The following GALNT17 variants were observed in gnomAD, a reference collection of about 807,000 sequenced individuals.
GALNT17 encodes the protein UDP-GalNAc:polypeptide N-acetylgalactosaminyltransferase-like 3.
In GALNT17, 29 loss-of-function variants were observed where a neutral mutation model predicts 63.7. The observed-to-expected ratio is 0.46, with a 90% CI of 0.34 to 0.62. The LOEUF (loss-of-function observed/expected upper bound fraction) is 0.62, where lower values mean the gene tolerates loss of function less well. Among genes scored for constraint, GALNT17 ranks in the 20% least tolerant of loss-of-function variants. The pLI is 0.01. For synonymous variants in GALNT17, 305 were observed against 318.3 expected (o/e 0.96, Z 0.45); for missense variants, 603 against 799.6 (o/e 0.75, Z 2.97).
rs183169719 is a variant in GALNT17, at chr7:71,271,624, A to G, written c.239-63926A>G. ...GATAACATTCACCCTTTTTGGGTGT[A>G]CAGTTTGATGAGTGTTGGCAATGGA... On this transcript the variant is annotated intron_variant, in intron 1 of 10. Coordinates refer to ENST00000333538, the MANE Select transcript of GALNT17 (RefSeq NM_022479.3). 8.5e-4 allele frequency among the ~76,000 whole-genome samples: 129 copies of G among 152,350 alleles called. 1 individual carries two copies. The highest frequency in any genetic ancestry group is 1.2e-3 in the South Asian group (6 of 4,828).
intron 6 of GALNT17, among the ~76,000 whole-genome samples, chr7:71,636,868 G>T (rs1790534881): frequency 6.6e-6 from 1 of 152,220 alleles, no homozygotes; most frequent in South Asian, 2.1e-4. Flanking sequence ...CAGTAAGAGG[G>T]TGTGGAAGTG....
chr7:71,337,727 GC>G (rs1379771511), intron 2 of GALNT17, among the ~76,000 whole-genome samples: 2 of 151,946 alleles, frequency 1.3e-5, no homozygotes, highest in African/African-American at 4.8e-5. Flanking sequence ...AATTGGCTGG[GC>G]GCGGTGGCAG....
intron 9 of GALNT17, among the ~76,000 whole-genome samples, chr7:71,690,213 C>CTATTTTTAGTAGAG (rs1436199408): frequency 4.6e-5 from 7 of 151,858 alleles, no homozygotes; most frequent in African/African-American, 1.7e-4. Flanking sequence ...TTAGTAGAGA[C>CTATTTTTAGTAGAG]AGGGTTTCCA....
intron 1 of GALNT17, among the ~76,000 whole-genome samples, chr7:71,324,945 G>C (rs928120511): frequency 2.6e-5 from 4 of 151,946 alleles, no homozygotes; most frequent in African/African-American, 4.8e-5. Flanking sequence ...TTTTCTTTTG[G>C]CAATATTTCC....
Position 71,467,774 on chromosome 7 carries a change from CA to C in GALNT17, c.962+46672del, listed in dbSNP as rs199532475. Among the ~76,000 whole-genome samples the C allele has an allele frequency of 9.7e-3, 1,476 of 151,430 alleles. 13 individuals are homozygous for C. The highest frequency in any genetic ancestry group is 0.017 in the Non-Finnish European group (1,126 of 67,852). ...GGGAACATGGAAAGGCAAAAAAAAA[CA>C]AACAAAAAAACCCTCAAAATCTGCA... On this transcript the variant is annotated intron_variant, in intron 5 of 10. Coordinates refer to ENST00000333538, the MANE Select transcript of GALNT17 (RefSeq NM_022479.3).
intron 5 of GALNT17, among the ~76,000 whole-genome samples, chr7:71,546,755 G>A (rs1788991866): frequency 6.6e-6 from 1 of 152,124 alleles, no homozygotes; most frequent in Admixed American, 6.6e-5. Flanking sequence ...TGCGGTAAAG[G>A]GAATGGTCCA....
intron 6 of GALNT17, among the ~76,000 whole-genome samples, chr7:71,597,231 G>A (rs1447872385): frequency 2.6e-5 from 4 of 152,088 alleles, no homozygotes; most frequent in Non-Finnish European, 4.4e-5. Flanking sequence ...GGTAGAAACA[G>A]GGTTTCACCA....
chr7:71,321,587 C>T (rs1395625927), intron 1 of GALNT17, among the ~76,000 whole-genome samples: 1 of 152,180 alleles, frequency 6.6e-6, no homozygotes, highest in Admixed American at 6.5e-5. Context: ...TGTCTTCGTG[C>T]TTCAATTTTC....
chr7:71,705,109 T>C (rs1453482146), intron 9 of GALNT17, among the ~76,000 whole-genome samples: 1 of 152,178 alleles, frequency 6.6e-6, no homozygotes, highest in Non-Finnish European at 1.5e-5. Context: ...TTGTACATCA[T>C]ATGTCAGAAA....
At chr7:71,662,764 T>C (rs1256424941) in intron 6 of GALNT17, among the ~76,000 whole-genome samples, 1 of 152,252 alleles carries the variant, frequency 6.6e-6, no homozygotes, top group African/African-American at 2.4e-5. Context: ...ATTTATGCAT[T>C]AATCAATTGT....
chr7:71,296,731 CA>C (rs1009525393), intron 1 of GALNT17, among the ~76,000 whole-genome samples: 2 of 150,038 alleles, frequency 1.3e-5, no homozygotes, highest in Non-Finnish European at 3.0e-5. Flanking sequence ...TTTTTTTAGA[CA>C]GGGTATATGT....
At chr7:71,288,371 G>C (rs1006416757) in intron 1 of GALNT17, among the ~76,000 whole-genome samples, 1 of 151,726 alleles carries the variant, frequency 6.6e-6, no homozygotes, top group African/African-American at 2.4e-5. Context: ...TTGCTCAGTG[G>C]TGGCAGAGGC....
chr7:71,365,357 A>G (rs986015350), intron 2 of GALNT17, among the ~76,000 whole-genome samples: 6 of 152,208 alleles, frequency 3.9e-5, no homozygotes, highest in Admixed American at 3.9e-4. Context: ...CTCCTGTTTC[A>G]GCCTCCTGAA....
chr7:71,416,879 A>G (rs1786543688), intron 4 of GALNT17, among the ~76,000 whole-genome samples: 1 of 152,114 alleles, frequency 6.6e-6, no homozygotes, highest in Non-Finnish European at 1.5e-5. Context: ...AGGCCCTGAT[A>G]TTTTTCCAGG....
chr7:71,469,650 G>C (rs1421634412), intron 5 of GALNT17, among the ~76,000 whole-genome samples: 2 of 152,210 alleles, frequency 1.3e-5, no homozygotes, highest in Non-Finnish European at 2.9e-5. Flanking sequence ...AAAACTCGGT[G>C]ACTGGCAGAA....
At chr7:71,582,021 C>T (rs889917639) in intron 6 of GALNT17, among the ~76,000 whole-genome samples, 3 of 152,058 alleles carry the variant, frequency 2.0e-5, no homozygotes, top group Non-Finnish European at 4.4e-5. Context: ...GTGTGAGTTA[C>T]AGCAGGTAGT....
At chr7:71,344,131 G>A (rs1440121404) in intron 2 of GALNT17, among the ~76,000 whole-genome samples, 1 of 151,934 alleles carries the variant, frequency 6.6e-6, no homozygotes, top group East Asian at 1.9e-4. Flanking sequence ...TAAGACAAGG[G>A]CGTGAGCCAT....
chr7:71,462,178 T>A (rs1436403157), intron 5 of GALNT17, among the ~76,000 whole-genome samples: 1 of 152,206 alleles, frequency 6.6e-6, no homozygotes, highest in East Asian at 1.9e-4. Flanking sequence ...GTGCAGTGCA[T>A]GCTTCTCCCC....
Position 71,384,991 on chromosome 7 carries a change from G to C in GALNT17, c.423-3244G>C, listed in dbSNP as rs577828899. ...TGCATTGACAACTGCCTTGTTAGAA[G>C]TGTTTAATGTGCTTTAGCCCTCATA... On this transcript the variant is annotated intron_variant, in intron 2 of 10. Coordinates refer to ENST00000333538, the MANE Select transcript of GALNT17 (RefSeq NM_022479.3). 1.8e-3 allele frequency among the ~76,000 whole-genome samples: 278 copies of C among 152,304 alleles called. 1 individual carries two copies. Among genetic ancestry groups the C allele is most frequent in the African/African-American group, 6.4e-3 (265 of 41,566 alleles).
Sources: gnomAD v4.1 joint callset for allele counts (sites outside exome capture counted in the v4.1 genomes callset) on GRCh38, gnomAD v4.1.1 for gene constraint, MANE v1.5 for transcripts, NCBI Gene and HGNC (gene_info 2026-07-23, HGNC 2026-07-21) for gene names.